RPS6KA6: variants seen among roughly 807,000 people sequenced by gnomAD.
RPS6KA6 encodes the protein ribosomal protein S6 kinase A6, also known as ribosomal protein S6 kinase alpha-6.
Under a neutral mutation model 65.4 loss-of-function variants are expected in RPS6KA6, and 27 were observed. The ratio of observed to expected loss-of-function variants is 0.41; its 90% CI spans 0.30 to 0.57. The LOEUF (loss-of-function observed/expected upper bound fraction) is 0.57, where lower values mean the gene tolerates loss of function less well. Among genes scored for constraint, RPS6KA6 ranks in the 20% least tolerant of loss-of-function variants. The pLI is 0.24. For missense variants in RPS6KA6, 486 were observed against 555.6 expected (o/e 0.87, Z 1.26); for synonymous variants, 190 against 184.2 (o/e 1.03, Z -0.26).
At position 84,059,773 on chromosome X, in the gene RPS6KA6, G is replaced by A. The variant is rs1329485877; in HGVS notation, c.*4504C>T. 9.0e-6 allele frequency: 1 copy of A among 111,665 alleles called. No individual in the cohort carries two copies. The highest frequency in any genetic ancestry group is 1.9e-5 in the Non-Finnish European group (1 of 53,138). The allele number at this position is 111,665 out of a possible 1,213,427, so 9.2% of individuals were successfully genotyped here. ...ATCCACAGAAGCTCTATTGTCCAGC[G>A]TTTAGAAATGTGAATACAAAGCAAA... On this transcript the variant is annotated 3_prime_UTR_variant, in exon 22 of 22. Transcript: ENST00000262752.
chrX:84,153,678 G>T (rs1445971729), intron 3 of RPS6KA6, among the ~76,000 whole-genome samples: 2 of 111,286 alleles, frequency 1.8e-5, no homozygotes, highest in Non-Finnish European at 3.8e-5. Flanking sequence ...TCTTGGAATT[G>T]CTCCTACACT....
intron 6 of RPS6KA6, among the ~76,000 whole-genome samples, chrX:84,143,195 G>A (rs2035137530): frequency 9.0e-6 from 1 of 111,009 alleles, no homozygotes; most frequent in South Asian, 3.7e-4. Flanking sequence ...ATTCACCACA[G>A]TAAGACTAAA....
chrX:84,065,042 A>T lies in RPS6KA6; in HGVS notation c.2041T>A (p.Ser681Thr). 8.3e-7 allele frequency: 1 copy of T among 1,202,595 alleles called. No individual in the cohort carries two copies. The highest frequency in any genetic ancestry group is 1.1e-6 in the Non-Finnish European group (1 of 887,738). The change falls in exon 21 of 22, where the codon TCA becomes ACA. Residue 681 changes from serine to threonine, a missense_variant. By Grantham distance (58) the Ser-to-Thr change is moderately conservative. Coordinates refer to ENST00000262752, the MANE Select transcript of RPS6KA6 (RefSeq NM_014496.5). The part of the protein sequence containing the change: ...RYTAEQILKH[S>T]WITHRDQLPN... ...AACTGGTCTCTGTGAGTTATCCATG[A>T]GTGCTTTAATATTTGTTCAGCAGTA... is the stretch of plus-strand genomic sequence containing the variant.
chrX:84,124,312 A>C (rs2034735298), intron 8 of RPS6KA6, among the ~76,000 whole-genome samples: 1 of 112,012 alleles, frequency 8.9e-6, no homozygotes, highest in Non-Finnish European at 1.9e-5. Context: ...CTAAATAAGG[A>C]ACCAGGAACC....
In RPS6KA6 at chrX:84,062,916, CAGTAGTAGTAGTAGT is replaced by C. The variant is rs754107497; in HGVS notation, c.*1346_*1360del. On this transcript the variant is annotated 3_prime_UTR_variant, in exon 22 of 22. Transcript: ENST00000262752. ...GTTTACATTCATGAATTCTTTCTGT[CAGTAGTAGTAGTAGT>C]AGTAGTAGTAGTAGTAGTAGTAGCA... 5 of 104,585 alleles carry C rather than the reference CAGTAGTAGTAGTAGT, an allele frequency of 4.8e-5. No homozygotes were observed. Among genetic ancestry groups the C allele is most frequent in the South Asian group, 4.2e-4 (1 of 2,390 alleles). 8.6% of individuals were successfully genotyped at this position (104,585 alleles called of 1,213,427 possible).
rs2033267778 is a variant in RPS6KA6, at chrX:84,059,592, G to T, written c.*4685C>A. On this transcript the variant is annotated 3_prime_UTR_variant, in exon 22 of 22. Transcript: ENST00000262752. ...ATATTAGTTCATAGGAAAGATAAAA[G>T]TAACCTAATCAGTCACATTTTGACA... 1 of 112,346 alleles carries T rather than the reference G, an allele frequency of 8.9e-6. No homozygotes were observed. The highest frequency in any genetic ancestry group is 1.9e-5 in the Non-Finnish European group (1 of 53,290). 9.3% of individuals were successfully genotyped at this position (112,346 alleles called of 1,213,427 possible).
At chrX:84,095,963 T>C (rs1171942432) in intron 20 of RPS6KA6, among the ~76,000 whole-genome samples, 1 of 111,877 alleles carries the variant, frequency 8.9e-6, no homozygotes, top group Non-Finnish European at 1.9e-5. Flanking sequence ...ATACAGGAAC[T>C]AGTTAATATT....
chrX:84,122,360 A>T (rs1351125660), intron 8 of RPS6KA6, among the ~76,000 whole-genome samples: 23 of 66,563 alleles, frequency 3.5e-4, no homozygotes, highest in East Asian at 5.6e-4. Context: ...ATTTTTTTTA[A>T]GTTTTTTTTT....
At chrX:84,172,704 T>C (rs2035705786) in intron 1 of RPS6KA6, among the ~76,000 whole-genome samples, 1 of 111,721 alleles carries the variant, frequency 9.0e-6, no homozygotes, top group African/African-American at 3.3e-5. Flanking sequence ...AGCCAAAAGG[T>C]AGAAGCAACC....
intron 8 of RPS6KA6, among the ~76,000 whole-genome samples, chrX:84,121,557 T>C (rs754184681): frequency 2.7e-5 from 3 of 112,249 alleles, no homozygotes; most frequent in Non-Finnish European, 5.6e-5. Context: ...TTATATACTA[T>C]GGATTTATGC....
Position 84,107,675 on chromosome X carries a change from T to G in RPS6KA6, c.1059A>C (p.Lys353Asn), listed in dbSNP as rs769036722. Residue 353 changes from lysine to asparagine, a missense_variant, in exon 13 of 22, where the codon AAA becomes AAC. By Grantham distance (94) the Lys-to-Asn change is moderately conservative. Coordinates refer to ENST00000262752, the MANE Select transcript of RPS6KA6 (RefSeq NM_014496.5). ...VQPPFKPASGKPDDTFCFDPE... is the reference protein window; with the variant it reads ...VQPPFKPASGNPDDTFCFDPE... Reference sequence around the variant, plus strand: ...GATCAAAACAAAAAGTATCATCTGGTTTTCCAGAAGCAGGTTTGAAAGGAG... The same window carrying G: ...GATCAAAACAAAAAGTATCATCTGGGTTTCCAGAAGCAGGTTTGAAAGGAG... 5.0e-6 allele frequency: 6 copies of G among 1,204,271 alleles called. No homozygotes were observed. The South Asian group carries it at 1.1e-4, about 22-fold the overall frequency.
chrX:84,162,667 T>C lies in RPS6KA6; in HGVS notation c.141+1661A>G, dbSNP rs200013977. Among the ~76,000 whole-genome samples, 7 of 112,150 alleles carry C rather than the reference T, an allele frequency of 6.2e-5. No individual in the cohort carries two copies. The East Asian group carries it at 2.0e-3, about 31-fold the overall frequency. On this transcript the variant is annotated intron_variant, in intron 2 of 21. Coordinates refer to ENST00000262752, the MANE Select transcript of RPS6KA6 (RefSeq NM_014496.5). ...TTGAGTTTATGCACCACACACACTG[T>C]TCCCCTGTGGTGTAAGCCATGATAT...
intron 20 of RPS6KA6, among the ~76,000 whole-genome samples, chrX:84,082,641 C>A: frequency 8.9e-6 from 1 of 111,779 alleles, no homozygotes; most frequent in East Asian, 2.8e-4. Context: ...ATAGCCAAGA[C>A]AATCCTAAGC....
At chrX:84,084,060 A>T (rs1484247481) in intron 20 of RPS6KA6, among the ~76,000 whole-genome samples, 2 of 108,715 alleles carry the variant, frequency 1.8e-5, no homozygotes, top group Non-Finnish European at 3.9e-5. Flanking sequence ...CAACTTTTGA[A>T]TGTTTTCTTG....
intron 20 of RPS6KA6, among the ~76,000 whole-genome samples, chrX:84,076,476 T>G (rs960766475): frequency 1.8e-5 from 2 of 111,947 alleles, no homozygotes; most frequent in Non-Finnish European, 3.8e-5. Flanking sequence ...AACCTGGGAA[T>G]AGAAGGTTGG....
At chrX:84,185,162 G>A (rs541263145) in intron 1 of RPS6KA6, among the ~76,000 whole-genome samples, 4 of 111,488 alleles carry the variant, frequency 3.6e-5, no homozygotes, top group African/African-American at 6.5e-5. Context: ...TTGTGACTGC[G>A]TGAGGGGTGA....
chrX:84,131,346 A>C (rs1193970428), intron 8 of RPS6KA6, among the ~76,000 whole-genome samples: 1 of 112,784 alleles, frequency 8.9e-6, no homozygotes, highest in East Asian at 2.8e-4. Flanking sequence ...AAAATCACTT[A>C]TTCTTAGATA....
chrX:84,153,253 C>A (rs2035360299), intron 3 of RPS6KA6, among the ~76,000 whole-genome samples: 2 of 111,525 alleles, frequency 1.8e-5, no homozygotes, highest in African/African-American at 6.5e-5. Context: ...ATCACAAAAG[C>A]AAAAGTATTT....
rs758107763 is a variant in RPS6KA6 at position 84,063,004 on chromosome X, G to A, written c.*1273C>T. On this transcript the variant is annotated 3_prime_UTR_variant, in exon 22 of 22. Transcript: ENST00000262752. ...TAGCAACGGTATTTTCTTCAACAACGTGAAATGATTCTTTAGCATTTCATC... is the reference window on the plus strand; with the variant it reads ...TAGCAACGGTATTTTCTTCAACAACATGAAATGATTCTTTAGCATTTCATC... 1 of 110,523 alleles carries A rather than the reference G, an allele frequency of 9.0e-6. No individual in the cohort carries two copies. The highest frequency in any genetic ancestry group is 3.3e-5 in the African/African-American group (1 of 30,524). The allele number at this position is 110,523 out of a possible 1,213,427, so 9.1% of individuals were successfully genotyped here.
Sources: allele counts gnomAD v4.1 joint callset (sites outside exome capture counted in the v4.1 genomes callset), GRCh38; gene constraint gnomAD v4.1.1; transcripts MANE v1.5; gene names NCBI Gene and HGNC (gene_info 2026-07-23, HGNC 2026-07-21).